Variants in RICTOR observed in about 807,000 individuals in gnomAD.
RICTOR encodes RPTOR independent companion of MTOR complex 2, also known as rapamycin-insensitive companion of mTOR.
Under a neutral mutation model 214.9 loss-of-function variants are expected in RICTOR, and 49 were observed. The ratio of observed to expected loss-of-function variants is 0.23; its 90% confidence interval spans 0.18 to 0.29. The LOEUF (loss-of-function observed/expected upper bound fraction) is 0.29, where lower values mean the gene tolerates loss of function less well. RICTOR is among the 10% of genes least tolerant of loss of function. RICTOR has a pLI of 1.00. For synonymous variants in RICTOR, 717 were observed against 711.3 expected (o/e 1.01, Z -0.13); for missense variants, 1,625 against 2,047.0 (o/e 0.79, Z 3.98).
At chr5:39,005,502 C>G (rs1753987204) in intron 3 of RICTOR, among the ~76,000 whole-genome samples, 1 of 152,098 alleles carries the variant, frequency 6.6e-6, no homozygotes, top group Non-Finnish European at 1.5e-5. Context: ...ATCCTTTTAG[C>G]CATTCCAATG....
intron 7 of RICTOR, among the ~76,000 whole-genome samples, chr5:38,985,726 C>T (rs1369887928): frequency 6.6e-6 from 1 of 150,924 alleles, no homozygotes; most frequent in Non-Finnish European, 1.5e-5. Flanking sequence ...GACGGAGTCT[C>T]GCACTGTCAC....
At chr5:39,016,819 A>C (rs10472314) in intron 3 of RICTOR, among the ~76,000 whole-genome samples, 4 of 151,900 alleles carry the variant, frequency 2.6e-5, no homozygotes, top group African/African-American at 9.7e-5. Context: ...CTGGAAATGT[A>C]GTTAGTCTTA....
chr5:39,061,128 A>G (rs1758512093), intron 2 of RICTOR, among the ~76,000 whole-genome samples: 1 of 152,118 alleles, frequency 6.6e-6, no homozygotes, highest in South Asian at 2.1e-4. Context: ...AATGCTGGAC[A>G]CATAACCAGT....
intron 6 of RICTOR, among the ~76,000 whole-genome samples, chr5:38,995,478 G>A (rs920221498): frequency 6.6e-6 from 1 of 151,774 alleles, no homozygotes; most frequent in African/African-American, 2.4e-5. Context: ...ACACTGCTTG[G>A]GTGACAGGGG....
In RICTOR at chr5:38,959,823, G is replaced by A. The variant is rs757737785; in HGVS notation, c.2007C>T (p.His669=). 1.7e-5 allele frequency: 27 copies of A among 1,613,420 alleles called. No individual in the cohort carries two copies. The highest frequency in any genetic ancestry group is 1.6e-4 in the Middle Eastern group (1 of 6,078). The change falls in exon 21 of 38, where the codon CAC becomes CAT. Residue 669 remains histidine (H), a synonymous_variant. Coordinates refer to ENST00000357387, the MANE Select transcript of RICTOR (RefSeq NM_152756.5). The stretch of plus-strand genomic sequence containing the variant: ...TTTCCAGCATTTTAACTCCATGAGG[G>A]TGGCAAGAAAGTGTTCCAATAAATA... ...YFLFIGTLSC[H]PHGVKMLEKC...
chr5:38,978,976 A>G (rs1283661919), intron 8 of RICTOR, among the ~76,000 whole-genome samples: 1 of 152,192 alleles, frequency 6.6e-6, no homozygotes, highest in African/African-American at 2.4e-5. Flanking sequence ...ATCAGTATCT[A>G]TCCCAAGATA....
intron 3 of RICTOR, among the ~76,000 whole-genome samples, chr5:39,017,889 C>T (rs1755086736): frequency 6.6e-6 from 1 of 151,992 alleles, no homozygotes; most frequent in Non-Finnish European, 1.5e-5. Flanking sequence ...ACTGTAGATC[C>T]TGATTTAGTA....
chr5:39,006,994 G>GT (rs553770646), intron 3 of RICTOR, among the ~76,000 whole-genome samples: 2 of 151,992 alleles, frequency 1.3e-5, no homozygotes, highest in Non-Finnish European at 2.9e-5. Flanking sequence ...AAGAGAATGC[G>GT]TTTTTATACA....
chr5:39,023,934 T>A (rs139722850), intron 2 of RICTOR, among the ~76,000 whole-genome samples: 1 of 152,206 alleles, frequency 6.6e-6, no homozygotes, highest in Non-Finnish European at 1.5e-5. Flanking sequence ...TAAAATTCAA[T>A]CTTAAGTGAT....
intron 2 of RICTOR, among the ~76,000 whole-genome samples, chr5:39,045,799 C>CT (rs1177590371): frequency 6.6e-6 from 1 of 152,018 alleles, no homozygotes; most frequent in Non-Finnish European, 1.5e-5. Context: ...GTTAAAAGGG[C>CT]TTACCTTCTT....
intron 2 of RICTOR, among the ~76,000 whole-genome samples, chr5:39,055,742 G>A (rs903209747): frequency 6.6e-6 from 1 of 152,128 alleles, no homozygotes; most frequent in African/African-American, 2.4e-5. Context: ...AGGGAAGATT[G>A]ACTTTTTGGG....
intron 2 of RICTOR, among the ~76,000 whole-genome samples, chr5:39,024,416 A>G (rs1278536284): frequency 6.6e-6 from 1 of 152,220 alleles, no homozygotes; most frequent in East Asian, 1.9e-4. Context: ...TGTATTTAGT[A>G]ATATCTTTTC....
intron 3 of RICTOR, 29 bp downstream of exon 3, chr5:39,021,010 A>G (rs747704787): frequency 9.5e-7 from 1 of 1,051,488 alleles, no homozygotes; most frequent in Non-Finnish European, 1.5e-6. Flanking sequence ...AAAGAATTTT[A>G]GACAATAATA....
intron 31 of RICTOR, chr5:38,949,363 GGTT>G (rs1748493609): frequency 6.3e-7 from 1 of 1,579,804 alleles, no homozygotes; most frequent in Non-Finnish European, 8.5e-7. Context: ...TACCTGAAAA[GGTT>G]GTTTGTTATT....
At chr5:39,022,860 G>C (rs555302077) in intron 2 of RICTOR, among the ~76,000 whole-genome samples, 1 of 152,204 alleles carries the variant, frequency 6.6e-6, no homozygotes, top group African/African-American at 2.4e-5. Flanking sequence ...CATCTGGAAG[G>C]ACCCAAATCC....
intron 2 of RICTOR, among the ~76,000 whole-genome samples, chr5:39,029,418 GTA>G (rs1164077628): frequency 6.6e-6 from 1 of 151,730 alleles, no homozygotes; most frequent in African/African-American, 2.4e-5. Flanking sequence ...ACACACATAT[GTA>G]TATATGTGTG....
intron 7 of RICTOR, among the ~76,000 whole-genome samples, chr5:38,990,702 C>CATATATATCAT (rs1335646874): frequency 1.9e-5 from 2 of 103,382 alleles, no homozygotes; most frequent in African/African-American, 8.2e-5. Flanking sequence ...TGATATATAT[C>CATATATATCAT]AGATATGATA....
chr5:38,984,393 A>G (rs1200734198), intron 7 of RICTOR, among the ~76,000 whole-genome samples: 2 of 152,140 alleles, frequency 1.3e-5, no homozygotes, highest in Non-Finnish European at 2.9e-5. Flanking sequence ...GCTTAACATG[A>G]AATGGATTTT....
intron 2 of RICTOR, among the ~76,000 whole-genome samples, chr5:39,027,353 CTAAA>C (rs1459641427): frequency 1.3e-5 from 2 of 151,782 alleles, no homozygotes; most frequent in African/African-American, 4.8e-5. Context: ...TTTTACTTCT[CTAAA>C]TGAGTATAAA....
Sources: gnomAD v4.1 joint callset for allele counts (sites outside exome capture counted in the v4.1 genomes callset) on GRCh38, gnomAD v4.1.1 for gene constraint, MANE v1.5 for transcripts, NCBI Gene and HGNC (gene_info 2026-07-23, HGNC 2026-07-21) for gene names.